The following AFAP1L2 variants were observed in gnomAD, a reference collection of about 807,000 sequenced individuals.
AFAP1L2 encodes actin filament-associated protein 1-like 2.
AFAP1L2 carries 46 observed loss-of-function variants against 99.3 expected under a neutral mutation model. The observed-to-expected ratio is 0.46, with a 90% confidence interval of 0.37 to 0.59. The LOEUF is 0.59. AFAP1L2 is among the 20% of genes least tolerant of loss of function. The probability of loss-of-function intolerance (pLI) is 0.00; values close to 1 mark genes in which losing one functional copy is unlikely to be tolerated. For synonymous variants in AFAP1L2, 397 were observed against 419.1 expected (o/e 0.95, Z 0.64); for missense variants, 959 against 1,034.9 (o/e 0.93, Z 1.01).
intron 1 of AFAP1L2, among the ~76,000 whole-genome samples, chr10:114,386,054 G>A (rs535688771): frequency 4.6e-5 from 7 of 152,190 alleles, no homozygotes; most frequent in African/African-American, 9.6e-5. Context: ...GCCGAGACTC[G>A]GCTGAGAGTC....
At chr10:114,280,977 T>G in the AFAP1L2 span, 1 of 152,148 alleles carries the variant, frequency 6.6e-6, no homozygotes, top group African/African-American at 2.4e-5. Context: ...CTGAGCTCAA[T>G]TCCTGCCTCC....
chr10:114,373,275 C>T (rs969299334), intron 1 of AFAP1L2, among the ~76,000 whole-genome samples: 3 of 151,962 alleles, frequency 2.0e-5, no homozygotes, highest in African/African-American at 7.3e-5. Flanking sequence ...TCTTATTTTG[C>T]AAAATTTGCA....
At chr10:114,352,054 C>T (rs1035267110) in intron 1 of AFAP1L2, among the ~76,000 whole-genome samples, 12 of 152,290 alleles carry the variant, frequency 7.9e-5, no homozygotes, top group African/African-American at 2.6e-4. Context: ...TCCTAAAGTG[C>T]TTATACTACA....
At chr10:114,366,948 C>T (rs1334632845) in intron 1 of AFAP1L2, among the ~76,000 whole-genome samples, 1 of 152,260 alleles carries the variant, frequency 6.6e-6, no homozygotes, top group Non-Finnish European at 1.5e-5. Flanking sequence ...GCCTGGGTGA[C>T]AGAGTGAGAC....
chr10:114,282,174 T>G, the AFAP1L2 span, among the ~76,000 whole-genome samples: 2 of 152,122 alleles, frequency 1.3e-5, no homozygotes, highest in African/African-American at 4.8e-5. Flanking sequence ...CAGCTAATTT[T>G]TGTATTTTTA....
chr10:114,310,524 C>G, intron 7 of AFAP1L2, 81 bp from the exon 8 acceptor site: 2 of 1,301,384 alleles, frequency 1.5e-6, no homozygotes, highest in Non-Finnish European at 2.2e-6. Flanking sequence ...AGGGCCCCTG[C>G]AGGTCAGGGG....
chr10:114,393,114 C>T (rs1377048261), intron 1 of AFAP1L2, among the ~76,000 whole-genome samples: 2 of 152,160 alleles, frequency 1.3e-5, no homozygotes, highest in African/African-American at 4.8e-5. Flanking sequence ...TAGGAGCACC[C>T]CGTATCCTCT....
intron 1 of AFAP1L2, among the ~76,000 whole-genome samples, chr10:114,391,226 T>C (rs1590831355): frequency 6.6e-6 from 1 of 151,994 alleles, no homozygotes; most frequent in African/African-American, 2.4e-5. Context: ...CTTTTCTTTT[T>C]TTCTTTTTTT....
intron 1 of AFAP1L2, among the ~76,000 whole-genome samples, chr10:114,353,596 C>T (rs2050868765): frequency 1.3e-5 from 2 of 152,220 alleles, no homozygotes; most frequent in South Asian, 4.1e-4. Context: ...TCAACAGGTC[C>T]TCCTGGCCCC....
In AFAP1L2 at chr10:114,327,147, T is replaced by TTATTTTTATATATATATATATATATA. The variant is rs1554902752; in HGVS notation, c.316-3887_316-3886insTATATATATATATATATATAAAAATA. On this transcript the variant is annotated intron_variant, in intron 4 of 18. Coordinates refer to ENST00000304129, the MANE Select transcript of AFAP1L2 (RefSeq NM_001001936.3). The stretch of plus-strand genomic sequence containing the variant: ...TGAAGACCGTGAATTTTATATATAT[T>TTATTTTTATATATATATATATATATA]TATATATATATATATATATATATAT... Among the ~76,000 whole-genome samples the TTATTTTTATATATATATATATATATA allele has an allele frequency of 5.5e-5, 3 of 54,536 alleles. 1 individual carries two copies. Among genetic ancestry groups the TTATTTTTATATATATATATATATATA allele is most frequent in the Non-Finnish European group, 1.5e-4 (3 of 20,556 alleles). 35.8% of individuals were successfully genotyped at this position (54,536 alleles called of 152,430 possible). A position where few individuals can be genotyped will look rare whatever the true frequency, so the allele number is the denominator to read the frequency against.
In AFAP1L2 at chr10:114,295,647, CACCAAAGACACGTG is replaced by C; in HGVS notation, c.*381_*394del. ...GGCCAGGAGTTTAGGTCTTCTCACT[CACCAAAGACACGTG>C]ACCCATAAGACAGGGCCCTGCTTCC... On this transcript the variant is annotated 3_prime_UTR_variant, in exon 19 of 19. Coordinates refer to ENST00000304129, the MANE Select transcript of AFAP1L2 (RefSeq NM_001001936.3). The C allele has an allele frequency of 9.9e-6, 10 of 1,007,450 alleles. No individual in the cohort carries two copies. Among genetic ancestry groups the C allele is most frequent in the Non-Finnish European group, 1.2e-5 (10 of 844,012 alleles). 62.4% of individuals were successfully genotyped at this position (1,007,450 alleles called of 1,614,324 possible).
chr10:114,289,709 A>ATATC, the AFAP1L2 span: 6 of 589,638 alleles, frequency 1.0e-5, no homozygotes, highest in African/African-American at 1.1e-4. Flanking sequence ...ACTAACATAG[A>ATATC]TAACTCCCCC....
chr10:114,403,879 A>C (rs575401457), intron 1 of AFAP1L2, among the ~76,000 whole-genome samples: 1 of 152,198 alleles, frequency 6.6e-6, no homozygotes, highest in East Asian at 1.9e-4. Context: ...TGGGGGAGCA[A>C]AGAAGGGCTT....
chr10:114,292,236 C>G (rs1334554971), downstream of AFAP1L2, among the ~76,000 whole-genome samples: 1 of 152,058 alleles, frequency 6.6e-6, no homozygotes, highest in Non-Finnish European at 1.5e-5. Context: ...GAGATCTCAC[C>G]ACTGCACTCC....
chr10:114,314,437 G>C (rs1361644973), intron 6 of AFAP1L2, among the ~76,000 whole-genome samples: 1 of 152,198 alleles, frequency 6.6e-6, no homozygotes, highest in African/African-American at 2.4e-5. Flanking sequence ...TGCTTGCTTG[G>C]CTTCTGGAGT....
chr10:114,307,807 G>A lies in AFAP1L2; in HGVS notation c.1070C>T (p.Ser357Phe). 6.2e-7 allele frequency: 1 copy of A among 1,613,204 alleles called. No homozygotes were observed. The highest frequency in any genetic ancestry group is 1.3e-5 in the African/African-American group (1 of 74,980). ...LEPVERSLET[S>F]SYLNVLVNSQ... ...CCGGAGGTAGCTACAATTCTTACTGGATGTCTCGAGGGACCTCTCCACAGG... is the reference window on the plus strand; with the variant it reads ...CCGGAGGTAGCTACAATTCTTACTGAATGTCTCGAGGGACCTCTCCACAGG... The change falls in exon 10 of 19, where the codon TCC (serine) becomes TTC (phenylalanine). Residue 357 changes from serine to phenylalanine, a missense_variant and splice_region_variant. Coordinates refer to ENST00000304129, the MANE Select transcript of AFAP1L2 (RefSeq NM_001001936.3).
rs1452217593 is a variant in AFAP1L2 at position 114,295,817 on chromosome 10, C to CAATAGACTTAGGTCTCCA, written c.*207_*224dup. ...CTAAATACAACGTCTTGTTTACATCCAATAGACTTAGGTCTCCAAAGAAGC... is the reference window on the plus strand; with the variant it reads ...CTAAATACAACGTCTTGTTTACATCCAATAGACTTAGGTCTCCAAATAGACTTAGGTCTCCAAAGAAGC... On this transcript the variant is annotated 3_prime_UTR_variant, in exon 19 of 19. Transcript: ENST00000304129. 5 of 1,359,702 alleles carry CAATAGACTTAGGTCTCCA rather than the reference C, an allele frequency of 3.7e-6. No individual in the cohort carries two copies. In the African/African-American group the frequency reaches 5.8e-5, roughly 16 times the overall value. 84.2% of individuals were successfully genotyped at this position (1,359,702 alleles called of 1,614,324 possible). A position where few individuals can be genotyped will look rare whatever the true frequency, so the allele number is the denominator to read the frequency against.
Position 114,327,171 on chromosome 10 carries a change from A to ATTT in AFAP1L2, c.316-3911_316-3910insAAA, listed in dbSNP as rs1236022261. On this transcript the variant is annotated intron_variant, in intron 4 of 18. Transcript: ENST00000304129. ...TTTATATATATATATATATATATAT[A>ATTT]TATTTTTTTTTTAGGCAGAGTCTCA... Among the ~76,000 whole-genome samples the ATTT allele has an allele frequency of 1.6e-3, 108 of 68,296 alleles. 5 individuals carry two copies. The highest frequency in any genetic ancestry group is 4.9e-3 in the African/African-American group (102 of 20,638). The allele number at this position is 68,296 out of a possible 152,430, so 44.8% of individuals were successfully genotyped here. A position where few individuals can be genotyped will look rare whatever the true frequency, so the allele number is the denominator to read the frequency against.
intron 1 of AFAP1L2, among the ~76,000 whole-genome samples, chr10:114,390,322 G>A (rs900648043): frequency 1.3e-5 from 2 of 152,136 alleles, no homozygotes; most frequent in African/African-American, 4.8e-5. Flanking sequence ...TCTCCACCAT[G>A]ACAAATAATG....
Sources: gnomAD v4.1 joint callset for allele counts (sites outside exome capture counted in the v4.1 genomes callset) on GRCh38, gnomAD v4.1.1 for gene constraint, MANE v1.5 for transcripts, NCBI Gene and HGNC (gene_info 2026-07-23, HGNC 2026-07-21) for gene names.